The following CFAP57 variants were observed in gnomAD, a reference collection of about 807,000 sequenced individuals.
The protein encoded by CFAP57 is cilia- and flagella-associated protein 57.
Under a neutral mutation model 146.8 loss-of-function variants are expected in CFAP57, and 116 were observed. That is an observed-to-expected ratio of 0.79 (90% CI 0.68 to 0.92). The LOEUF (loss-of-function observed/expected upper bound fraction) is 0.92. Among genes scored for constraint, CFAP57 ranks in the 40% least tolerant of loss-of-function variants. The pLI is 0.00. For synonymous variants in CFAP57, 518 were observed against 552.8 expected (o/e 0.94, Z 0.88); for missense variants, 1,377 against 1,527.2 (o/e 0.90, Z 1.64).
intron 21 of CFAP57, among the ~76,000 whole-genome samples, chr1:43,239,264 A>G (rs183546180): frequency 3.9e-5 from 6 of 152,306 alleles, no homozygotes; most frequent in Admixed American, 3.9e-4. Flanking sequence ...GAACAGAACA[A>G]GAGAGTCAGG....
intron 6 of CFAP57, 69 bp from the exon 7 acceptor site, chr1:43,197,484 A>G: frequency 6.2e-7 from 1 of 1,605,762 alleles, no homozygotes; most frequent in East Asian, 2.2e-5. Flanking sequence ...ATGGGAACTA[A>G]TTAGAGCTGA....
rs1320292583 is a variant in CFAP57, at chr1:43,213,509, G to GT, written c.1930-1746_1930-1745insT. On this transcript the variant is annotated intron_variant, in intron 11 of 22. Coordinates refer to ENST00000372492, the MANE Select transcript of CFAP57 (RefSeq NM_001378189.1). ...ATTGGTGGTACAATAAATATGGGGG[G>GT]GGCGGTGGAGCGCAGGTATCCTTTC... Among the ~76,000 whole-genome samples, 2 of 107,812 alleles carry GT rather than the reference G, an allele frequency of 1.9e-5. 1 individual carries two copies. The highest frequency in any genetic ancestry group is 5.8e-5 in the African/African-American group (2 of 34,252). The allele number at this position is 107,812 out of a possible 152,430, so 70.7% of individuals were successfully genotyped here. A position where few individuals can be genotyped will look rare whatever the true frequency, so the allele number is the denominator to read the frequency against.
intron 5 of CFAP57, among the ~76,000 whole-genome samples, chr1:43,185,795 G>A (rs1370493655): frequency 6.6e-6 from 1 of 151,994 alleles, no homozygotes; most frequent in African/African-American, 2.4e-5. Context: ...GTGTGTGCCT[G>A]TAGTCCCAGC....
At chr1:43,192,499 T>G (rs1489093051) in intron 6 of CFAP57, among the ~76,000 whole-genome samples, 3 of 152,326 alleles carry the variant, frequency 2.0e-5, no homozygotes. Flanking sequence ...GGCGCATGCC[T>G]ATAATCCCAG....
chr1:43,253,536 A>C (rs1187850940), intron 22 of CFAP57, among the ~76,000 whole-genome samples: 1 of 152,190 alleles, frequency 6.6e-6, no homozygotes, highest in African/African-American at 2.4e-5. Flanking sequence ...CTCAAGGAAC[A>C]AGGTATGAGT....
rs765036260 is a variant in CFAP57, at chr1:43,197,553, G to A, written c.1123G>A (p.Gly375Arg). Residue 375 changes from glycine (G) to arginine (R), a missense_variant and splice_region_variant, in exon 7 of 23, where the codon GGG becomes AGG. Gly to Arg is a moderately radical substitution (Grantham distance 125). Transcript: ENST00000372492. ...ATCTTGTTCTGTGTGATTTCTCTAG[G>A]GGGAGCCTGCTCACTTTGAGTATTT... is the stretch of plus-strand genomic sequence containing the variant. ...ITMSLTEISK[G>R]EPAHFEYLMY... 2 of 1,613,950 alleles carry A rather than the reference G, an allele frequency of 1.2e-6. No homozygotes were observed. The highest frequency in any genetic ancestry group is 1.7e-6 in the Non-Finnish European group (2 of 1,179,984).
chr1:43,179,171 T>A (rs1023008650), intron 2 of CFAP57, among the ~76,000 whole-genome samples: 3 of 152,032 alleles, frequency 2.0e-5, no homozygotes, highest in Non-Finnish European at 4.4e-5. Context: ...CATTAGGAGA[T>A]ATACCTAATG....
intron 18 of CFAP57, among the ~76,000 whole-genome samples, chr1:43,228,669 C>T (rs1417175139): frequency 1.3e-5 from 2 of 149,286 alleles, no homozygotes; most frequent in Non-Finnish European, 3.0e-5. Flanking sequence ...ACAGACCTGC[C>T]TCCGCTGGGC....
intron 4 of CFAP57, chr1:43,184,740 C>CTTTTTTT (rs57644418): frequency 4.9e-5 from 5 of 101,324 alleles, no homozygotes; most frequent in Admixed American, 1.1e-4. Context: ...ATGGCATATC[C>CTTTTTTT]TTTTTTTTTT....
intron 6 of CFAP57, chr1:43,194,974 A>G (rs980061550): frequency 6.6e-6 from 1 of 152,200 alleles, no homozygotes; most frequent in Non-Finnish European, 1.5e-5. Flanking sequence ...ATGCAAATTA[A>G]TACAACTCTG....
intron 5 of CFAP57, among the ~76,000 whole-genome samples, chr1:43,185,753 A>G (rs894616276): frequency 2.6e-5 from 4 of 151,540 alleles, no homozygotes; most frequent in Non-Finnish European, 4.4e-5. Flanking sequence ...CCCCGTCTGT[A>G]CTAAAAATAC....
At chr1:43,239,147 C>A (rs1301196059) in intron 21 of CFAP57, among the ~76,000 whole-genome samples, 3 of 152,076 alleles carry the variant, frequency 2.0e-5, no homozygotes, top group Non-Finnish European at 4.4e-5. Flanking sequence ...TGCAGTGGAG[C>A]CAAGCGGGAC....
In CFAP57 at chr1:43,223,002, C is replaced by T. The variant is rs1449054668; in HGVS notation, c.2706+5C>T. 3.2e-6 allele frequency: 5 copies of T among 1,545,920 alleles called. No homozygotes were observed. In the Admixed American group the frequency reaches 9.9e-5, roughly 31 times the overall value. On this transcript the variant is annotated splice_donor_5th_base_variant and intron_variant, in intron 16 of 22. Coordinates refer to ENST00000372492, the MANE Select transcript of CFAP57 (RefSeq NM_001378189.1). ...ACAGGCATCATGAGGAAGAAGGTAG[C>T]AGGCTGTTCTCCAAGAGACCTAGGG...
chr1:43,252,332 C>T (rs1447604962), intron 22 of CFAP57, among the ~76,000 whole-genome samples: 2 of 152,094 alleles, frequency 1.3e-5, no homozygotes, highest in Admixed American at 6.6e-5. Context: ...GACAAGGTCT[C>T]TGCATGACAA....
Position 43,224,039 on chromosome 1 carries a change from T to C in CFAP57, c.2707-7T>C. 1 of 1,550,320 alleles carries C rather than the reference T, an allele frequency of 6.5e-7. No homozygotes were observed. Among genetic ancestry groups the C allele is most frequent in the Non-Finnish European group, 8.7e-7 (1 of 1,146,856 alleles). On this transcript the variant is annotated splice_polypyrimidine_tract_variant and splice_region_variant and intron_variant, in intron 16 of 22. Coordinates refer to ENST00000372492, the MANE Select transcript of CFAP57 (RefSeq NM_001378189.1). ...GTGGTCTTTGTTGTTGCTGTTCGCT[T>C]TTCTAGTTCAGCAGCCTACAGAAGG...
intron 15 of CFAP57, 68 bp downstream of exon 15, chr1:43,222,363 A>C: frequency 4.5e-4 from 584 of 1,295,854 alleles, no homozygotes; most frequent in Non-Finnish European, 5.3e-4. Flanking sequence ...TCAGATCTCC[A>C]TGGCATAGCC....
chr1:43,216,999 G>A (rs1439482923), intron 12 of CFAP57, among the ~76,000 whole-genome samples: 1 of 152,260 alleles, frequency 6.6e-6, no homozygotes, highest in Non-Finnish European at 1.5e-5. Context: ...TGCTGTGGGA[G>A]CACAGGGGAA....
intron 11 of CFAP57, among the ~76,000 whole-genome samples, chr1:43,212,941 A>AAAG (rs1202792840): frequency 1.3e-5 from 2 of 151,284 alleles, no homozygotes; most frequent in Non-Finnish European, 2.9e-5. Flanking sequence ...ATCTCAAAAA[A>AAAG]AAAAAAAAAG....
In CFAP57 at chr1:43,238,520, G is replaced by A. The variant is rs776339885; in HGVS notation, c.3405+3882G>A. On this transcript the variant is annotated intron_variant, in intron 21 of 22. Transcript: ENST00000372492. The surrounding 1 kb of genome is among the most constrained non-coding windows in gnomAD (Gnocchi z 4.3). Reference sequence around the variant, plus strand: ...TGGGTGGGGGTCTGGAGGATTGGAGGGGATTTTGGAAGTCAAACTGACAAG... The same window carrying A: ...TGGGTGGGGGTCTGGAGGATTGGAGAGGATTTTGGAAGTCAAACTGACAAG... Among the ~76,000 whole-genome samples, 5 of 149,614 alleles carry A rather than the reference G, an allele frequency of 3.3e-5. No homozygotes were observed. The highest frequency in any genetic ancestry group is 6.6e-5 in the Admixed American group (1 of 15,096).
Sources: gnomAD v4.1 joint callset for allele counts (sites outside exome capture counted in the v4.1 genomes callset) on GRCh38, gnomAD v4.1.1 for gene constraint, Gnocchi (gnomAD v3.1) non-coding constraint, MANE v1.5 for transcripts, NCBI Gene and HGNC (gene_info 2026-07-23, HGNC 2026-07-21) for gene names.